Variants in TUSC3 observed in about 807,000 individuals in gnomAD.
TUSC3 encodes dolichyl-diphosphooligosaccharide--protein glycosyltransferase subunit TUSC3.
TUSC3 carries 45 observed loss-of-function variants against 44.8 expected under a neutral mutation model. That is an observed-to-expected ratio of 1.00 (90% CI 0.79 to 1.29). TUSC3 has a LOEUF of 1.29. TUSC3 is among the 50% of genes most tolerant of loss of function. The probability of loss-of-function intolerance (pLI) is 0.00; values close to 1 mark genes in which losing one functional copy is unlikely to be tolerated. For missense variants in TUSC3, 519 were observed against 437.9 expected (o/e 1.19, Z -1.65); for synonymous variants, 212 against 152.9 (o/e 1.39, Z -2.85).
intron 1 of TUSC3, among the ~76,000 whole-genome samples, chr8:15,443,203 T>A (rs1174803152): frequency 6.6e-6 from 1 of 151,998 alleles, no homozygotes; most frequent in Non-Finnish European, 1.5e-5. Flanking sequence ...TCTCACACTG[T>A]CACCCAGGCT....
intron 6 of TUSC3, among the ~76,000 whole-genome samples, chr8:15,717,331 C>G (rs191005970): frequency 1.1e-4 from 17 of 152,148 alleles, no homozygotes; most frequent in Non-Finnish European, 1.5e-5. Context: ...AGAGATGGAA[C>G]AGCCTTAAGA....
At chr8:15,823,555 C>T in the TUSC3 span, among the ~76,000 whole-genome samples, 2 of 151,906 alleles carry the variant, frequency 1.3e-5, no homozygotes, top group South Asian at 2.1e-4. Flanking sequence ...ATAAAAGATA[C>T]CATAATGTAT....
At chr8:15,625,072 G>A (rs560757058) in intron 2 of TUSC3, among the ~76,000 whole-genome samples, 1 of 152,090 alleles carries the variant, frequency 6.6e-6, no homozygotes, top group East Asian at 1.9e-4. Flanking sequence ...CATGAATGAG[G>A]TGCTGCATTA....
chr8:15,738,276 G>A (rs1490770036), intron 7 of TUSC3, among the ~76,000 whole-genome samples: 1 of 152,146 alleles, frequency 6.6e-6, no homozygotes, highest in African/African-American at 2.4e-5. Flanking sequence ...CTTTAAGGTT[G>A]TGTGCACAAA....
the TUSC3 span, among the ~76,000 whole-genome samples, chr8:15,802,233 C>G: frequency 6.6e-6 from 1 of 152,032 alleles, no homozygotes; most frequent in East Asian, 1.9e-4. Context: ...GAAATCCCAC[C>G]CACATTATGG....
chr8:15,677,423 C>G (rs555200359), intron 6 of TUSC3, among the ~76,000 whole-genome samples: 1 of 152,298 alleles, frequency 6.6e-6, no homozygotes, highest in South Asian at 2.1e-4. Context: ...ATTTTTATGC[C>G]TTTGTCCTGA....
chr8:15,847,102 T>G, the TUSC3 span, among the ~76,000 whole-genome samples: 1 of 151,934 alleles, frequency 6.6e-6, no homozygotes, highest in African/African-American at 2.4e-5. Flanking sequence ...AGTCCTCCAC[T>G]CTGTCCATGG....
chr8:15,778,138 C>T, the TUSC3 span, among the ~76,000 whole-genome samples: 108 of 151,822 alleles, frequency 7.1e-4, no homozygotes, highest in Admixed American at 1.4e-3. Context: ...AAACCACCAC[C>T]GGCTAATATC....
intron 1 of TUSC3, among the ~76,000 whole-genome samples, chr8:15,569,218 A>G (rs1382262566): frequency 6.6e-6 from 1 of 152,154 alleles, no homozygotes; most frequent in Non-Finnish European, 1.5e-5. Context: ...CAAGTACTGT[A>G]AGATAGATAA....
intron 6 of TUSC3, among the ~76,000 whole-genome samples, chr8:15,723,392 G>C (rs1477383693): frequency 6.6e-6 from 1 of 152,122 alleles, no homozygotes; most frequent in East Asian, 1.9e-4. Context: ...TTATTTCTCT[G>C]TTGTAATCAT....
At chr8:15,463,669 G>A (rs1800377538) in intron 1 of TUSC3, among the ~76,000 whole-genome samples, 6 of 152,052 alleles carry the variant, frequency 3.9e-5, no homozygotes, top group Admixed American at 1.3e-4. Context: ...GTGCTGCAAG[G>A]CACCATTAAG....
At chr8:15,739,661 G>A (rs184048238) in intron 7 of TUSC3, among the ~76,000 whole-genome samples, 4 of 152,212 alleles carry the variant, frequency 2.6e-5, no homozygotes, top group Admixed American at 2.0e-4. Flanking sequence ...TGTAAAATCT[G>A]GAATATGTTT....
chr8:15,663,350 T>C (rs10097580), intron 5 of TUSC3, among the ~76,000 whole-genome samples: 17,344 of 151,858 alleles, frequency 0.11, 1,321 homozygotes, highest in East Asian at 0.25. Flanking sequence ...CAATGTATTA[T>C]ATCTGTAAAA....
intron 1 of TUSC3, among the ~76,000 whole-genome samples, chr8:15,460,872 G>C (rs1800336102): frequency 6.6e-6 from 1 of 152,128 alleles, no homozygotes; most frequent in Non-Finnish European, 1.5e-5. Context: ...TCTCTATTCT[G>C]TTCCATTGGT....
chr8:15,696,812 G>T (rs1208949454), intron 6 of TUSC3, among the ~76,000 whole-genome samples: 1 of 152,170 alleles, frequency 6.6e-6, no homozygotes, highest in Non-Finnish European at 1.5e-5. Context: ...TTCATGGAAT[G>T]ATTTAGGGAG....
At chr8:15,791,142 G>A in the TUSC3 span, among the ~76,000 whole-genome samples, 2 of 152,004 alleles carry the variant, frequency 1.3e-5, no homozygotes, top group Non-Finnish European at 2.9e-5. Context: ...AATAGTTTAT[G>A]GCTGAATTAC....
intron 2 of TUSC3, among the ~76,000 whole-genome samples, chr8:15,517,731 A>G (rs1304000008): frequency 1.3e-5 from 2 of 152,002 alleles, no homozygotes; most frequent in Admixed American, 6.6e-5. Flanking sequence ...GTTCACTTCA[A>G]TTACATATTT....
intron 2 of TUSC3, among the ~76,000 whole-genome samples, chr8:15,484,637 C>T (rs966370388): frequency 2.0e-5 from 3 of 152,144 alleles, no homozygotes; most frequent in Admixed American, 6.5e-5. Context: ...TACAATTTGG[C>T]AATATGTTGT....
chr8:15,691,215 G>T (rs1433323703), intron 6 of TUSC3, among the ~76,000 whole-genome samples: 1 of 151,904 alleles, frequency 6.6e-6, no homozygotes. Flanking sequence ...TATTTCAGAG[G>T]TCTTTTACCT....
Sources: allele counts gnomAD v4.1 joint callset (sites outside exome capture counted in the v4.1 genomes callset), GRCh38; gene constraint gnomAD v4.1.1; transcripts MANE v1.5; gene names NCBI Gene and HGNC (gene_info 2026-07-23, HGNC 2026-07-21).